MCTP1: variants seen among roughly 807,000 people sequenced by gnomAD.
The protein encoded by MCTP1 is multiple C2 and transmembrane domain-containing protein 1.
In MCTP1, 69 loss-of-function variants were observed where a neutral mutation model predicts 120.6. The observed-to-expected ratio is 0.57, with a 90% CI of 0.47 to 0.70. The LOEUF (loss-of-function observed/expected upper bound fraction) is 0.70. Among genes scored for constraint, MCTP1 ranks in the 30% least tolerant of loss-of-function variants. MCTP1 has a pLI of 0.00. For synonymous variants in MCTP1, 529 were observed against 493.1 expected (o/e 1.07, Z -0.96); for missense variants, 1,203 against 1,248.8 (o/e 0.96, Z 0.55).
rs1167043694 is a variant in MCTP1 at position 95,284,152 on chromosome 5, C to G, written c.424G>C (p.Ala142Pro). 1 of 1,560,468 alleles carries G rather than the reference C, an allele frequency of 6.4e-7. No homozygotes were observed. The highest frequency in any genetic ancestry group is 8.7e-7 in the Non-Finnish European group (1 of 1,153,190). Reference sequence around the variant, plus strand: ...CCGCCAGGAGGCGTCCCTCCCGCTGCTCCCGAGGCCGCCGCGGGCCCCTTT... The same window carrying G: ...CCGCCAGGAGGCGTCCCTCCCGCTGGTCCCGAGGCCGCCGCGGGCCCCTTT... ...AVKGPAAASG[A>P]AGGTPPGGRS... Residue 142 changes from alanine (A) to proline (P), a missense_variant, in exon 1 of 23, where the codon GCA becomes CCA. This residue lies in a region of MCTP1 where 463 missense variants were observed against 377.8 expected (regional missense o/e 1.23). Coordinates refer to ENST00000515393, the MANE Select transcript of MCTP1 (RefSeq NM_024717.7). The surrounding 1 kb of genome is among the most constrained non-coding windows in gnomAD (Gnocchi z 5.2).
intron 17 of MCTP1, among the ~76,000 whole-genome samples, chr5:94,805,478 T>A (rs919086043): frequency 2.5e-4 from 38 of 152,030 alleles, no homozygotes; most frequent in African/African-American, 8.9e-4. Flanking sequence ...AACAAAAAAA[T>A]GTAGCTGGGC....
intron 1 of MCTP1, among the ~76,000 whole-genome samples, chr5:95,271,382 T>C (rs1195434780): frequency 6.6e-6 from 1 of 152,218 alleles, no homozygotes; most frequent in Non-Finnish European, 1.5e-5. Flanking sequence ...GCTCTCATTT[T>C]GAGGTGATCT....
chr5:94,721,500 A>G (rs1028780346), intron 19 of MCTP1, among the ~76,000 whole-genome samples: 38 of 152,176 alleles, frequency 2.5e-4, no homozygotes, highest in Admixed American at 4.6e-4. Flanking sequence ...AGACAAAATA[A>G]TATGGTTTGT....
chr5:94,988,400 T>C (rs1209868116), intron 2 of MCTP1, among the ~76,000 whole-genome samples: 1 of 152,156 alleles, frequency 6.6e-6, no homozygotes, highest in Non-Finnish European at 1.5e-5. Flanking sequence ...TATCTCCATT[T>C]CCATTTAGAA....
intron 17 of MCTP1, among the ~76,000 whole-genome samples, chr5:94,853,589 C>G (rs1011576047): frequency 3.3e-5 from 5 of 151,864 alleles, no homozygotes; most frequent in African/African-American, 1.2e-4. Context: ...AAATTCTCAT[C>G]CAGGTTGTTT....
chr5:95,195,024 G>A (rs1232208475), intron 1 of MCTP1, among the ~76,000 whole-genome samples: 1 of 152,214 alleles, frequency 6.6e-6, no homozygotes, highest in Admixed American at 6.5e-5. Flanking sequence ...GCACCACCAG[G>A]AGGAATACTG....
intron 2 of MCTP1, among the ~76,000 whole-genome samples, chr5:94,959,811 G>A (rs1026477060): frequency 8.5e-5 from 13 of 152,112 alleles, no homozygotes; most frequent in African/African-American, 2.7e-4. Context: ...TCATGAATAG[G>A]AAGAATCAAT....
chr5:95,072,005 A>T (rs895225219), intron 1 of MCTP1, among the ~76,000 whole-genome samples: 1 of 152,066 alleles, frequency 6.6e-6, no homozygotes, highest in Non-Finnish European at 1.5e-5. Context: ...TTTAGAGTAA[A>T]CAAGTTTAGC....
In MCTP1 at chr5:95,284,653, C is replaced by T; in HGVS notation, c.-78G>A. 1 of 1,220,316 alleles carries T rather than the reference C, an allele frequency of 8.2e-7. No individual in the cohort carries two copies. Among genetic ancestry groups the T allele is most frequent in the Non-Finnish European group, 1.1e-6 (1 of 935,654 alleles). 75.6% of individuals were successfully genotyped at this position (1,220,316 alleles called of 1,614,324 possible). On this transcript the variant is annotated 5_prime_UTR_variant, in exon 1 of 23. Coordinates refer to ENST00000515393, the MANE Select transcript of MCTP1 (RefSeq NM_024717.7). This position sits in a 1 kb window ranked among gnomAD's most constrained non-coding sequence, Gnocchi z 5.2. ...TCTCCTCCCTCTTCGGCTGCACCTC[C>T]TCCCGGGTCCCCGCGGCGCTGGCGG...
intron 6 of MCTP1, chr5:94,931,128 A>C (rs1814552370): frequency 6.6e-6 from 1 of 152,134 alleles, no homozygotes; most frequent in Non-Finnish European, 1.5e-5. Context: ...ATTCACAGTA[A>C]TAAAAATGAC....
At chr5:94,893,808 G>GTT (rs1341398420) in intron 11 of MCTP1, among the ~76,000 whole-genome samples, 12 of 152,332 alleles carry the variant, frequency 7.9e-5, no homozygotes, top group African/African-American at 2.9e-4. Flanking sequence ...TCATGGCTGA[G>GTT]TGTCTAGAGG....
At chr5:95,259,346 G>A (rs1758236759) in intron 1 of MCTP1, among the ~76,000 whole-genome samples, 1 of 152,144 alleles carries the variant, frequency 6.6e-6, no homozygotes, top group Non-Finnish European at 1.5e-5. Context: ...CCCTTGCCTT[G>A]TGTCAAAAGC....
At chr5:95,061,485 G>C (rs1437229861) in intron 1 of MCTP1, among the ~76,000 whole-genome samples, 2 of 116,216 alleles carry the variant, frequency 1.7e-5, no homozygotes, top group Non-Finnish European at 3.4e-5. Context: ...TCCCAGGCTG[G>C]AGTGCAGTGG....
Position 95,284,048 on chromosome 5 carries a change from C to A in MCTP1, c.528G>T (p.Gly176=). Residue 176 remains glycine (G), a synonymous_variant, in exon 1 of 23, where the codon GGG becomes GGT. Coordinates refer to ENST00000515393, the MANE Select transcript of MCTP1 (RefSeq NM_024717.7). The surrounding 1 kb of genome is among the most constrained non-coding windows in gnomAD (Gnocchi z 5.2). ...GTGCACCCTCATCTCGGGCGCGGTCCCCCCTCGGGGGAGGCTGGGGCGAGG... is the reference window on the plus strand; with the variant it reads ...GTGCACCCTCATCTCGGGCGCGGTCACCCCTCGGGGGAGGCTGGGGCGAGG... ...LSSSPQPPPR[G]DRARDEGARR... is the part of the protein sequence containing the mutation. 1.3e-6 allele frequency: 2 copies of A among 1,525,342 alleles called. No homozygotes were observed. Among genetic ancestry groups the A allele is most frequent in the East Asian group, 2.5e-5 (1 of 39,662 alleles). The allele number at this position is 1,525,342 out of a possible 1,614,324, so 94.5% of individuals were successfully genotyped here. A position where few individuals can be genotyped will look rare whatever the true frequency, so the allele number is the denominator to read the frequency against.
chr5:95,117,998 C>T (rs1397326294), intron 1 of MCTP1, among the ~76,000 whole-genome samples: 1 of 151,994 alleles, frequency 6.6e-6, no homozygotes. Context: ...GAAAGGGGAA[C>T]AATACATATG....
intron 17 of MCTP1, among the ~76,000 whole-genome samples, chr5:94,815,632 G>A (rs566322834): frequency 9.2e-5 from 14 of 152,248 alleles, no homozygotes; most frequent in African/African-American, 2.6e-4. Context: ...CACATTTCTC[G>A]CTCTAATAAA....
chr5:94,956,786 C>T (rs941842189), intron 2 of MCTP1, among the ~76,000 whole-genome samples: 1 of 152,118 alleles, frequency 6.6e-6, no homozygotes, highest in Non-Finnish European at 1.5e-5. Flanking sequence ...ACCAAACCTA[C>T]GTTTGATTGG....
intron 2 of MCTP1, among the ~76,000 whole-genome samples, chr5:95,012,583 T>C (rs1836231375): frequency 6.6e-6 from 1 of 152,180 alleles, no homozygotes; most frequent in Non-Finnish European, 1.5e-5. Context: ...CACCTTTTGG[T>C]AATTTCTGCA....
chr5:94,707,546 G>C lies in MCTP1; in HGVS notation c.2950C>G (p.Pro984Ala). The change falls in exon 23 of 23, where the codon CCA becomes GCA. Residue 984 changes from proline to alanine, a missense_variant. By Grantham distance (27) the Pro-to-Ala change is conservative (BLOSUM62 -1). Coordinates refer to ENST00000515393, the MANE Select transcript of MCTP1 (RefSeq NM_024717.7). ...VQVVQYQELK[P>A]DPSHSPYKRK... ...TTATATGGGCTATGAGAAGGATCTG[G>C]TTTCAGTTCTTGGTATTGCACCTGT... 1 of 1,611,812 alleles carries C rather than the reference G, an allele frequency of 6.2e-7. No individual in the cohort carries two copies. Among genetic ancestry groups the C allele is most frequent in the Non-Finnish European group, 8.5e-7 (1 of 1,178,468 alleles).
Sources: allele counts gnomAD v4.1 joint callset (sites outside exome capture counted in the v4.1 genomes callset), GRCh38; gene constraint gnomAD v4.1.1; regional missense constraint gnomAD v4.1.1; non-coding constraint Gnocchi (gnomAD v3.1); transcripts MANE v1.5; gene names NCBI Gene and HGNC (gene_info 2026-07-23, HGNC 2026-07-21).